Variants in OCA2 observed in about 807,000 individuals in gnomAD.
The protein encoded by OCA2 is P protein.
Under a neutral mutation model 100.2 loss-of-function variants are expected in OCA2, and 77 were observed. The observed-to-expected ratio is 0.77, with a 90% CI of 0.64 to 0.93. OCA2 has a LOEUF of 0.93. Ranked by LOEUF, OCA2 falls within the 40% of genes least tolerant of loss-of-function variation. The pLI, the probability that OCA2 is intolerant of heterozygous loss-of-function variation, is 0.00. For synonymous variants in OCA2, 432 were observed against 439.2 expected (o/e 0.98, Z 0.21); for missense variants, 1,062 against 1,089.1 (o/e 0.98, Z 0.35).
At chr15:27,997,148 GAGAA>G (rs1244018153) in intron 9 of OCA2, among the ~76,000 whole-genome samples, 184 of 135,124 alleles carry the variant, frequency 1.4e-3, no homozygotes, top group African/African-American at 4.5e-3. Flanking sequence ...GGAAGAGAGA[GAGAA>G]AGAAAGAAAG....
chr15:27,997,326 C>G (rs2041782700), intron 9 of OCA2, among the ~76,000 whole-genome samples: 1 of 152,176 alleles, frequency 6.6e-6, no homozygotes, highest in Admixed American at 6.5e-5. Context: ...CTCAACAAGT[C>G]TTTAATCCAT....
At chr15:27,969,804 G>A (rs764195772) in intron 14 of OCA2, among the ~76,000 whole-genome samples, 1 of 151,988 alleles carries the variant, frequency 6.6e-6, no homozygotes, top group East Asian at 1.9e-4. Flanking sequence ...TTCTAGGAAT[G>A]ACGCTTCAGG....
intron 23 of OCA2, among the ~76,000 whole-genome samples, chr15:27,813,271 C>G (rs982525512): frequency 1.3e-5 from 2 of 152,156 alleles, no homozygotes; most frequent in Non-Finnish European, 2.9e-5. Context: ...GGGGTCCCAG[C>G]CTAGTGGGAA....
chr15:28,011,850 G>C (rs2042248618), intron 9 of OCA2, among the ~76,000 whole-genome samples: 1 of 151,486 alleles, frequency 6.6e-6, no homozygotes, highest in African/African-American at 2.4e-5. Context: ...CCCAGGAGAT[G>C]GTGTTGCAGT....
intron 23 of OCA2, among the ~76,000 whole-genome samples, chr15:27,801,896 CAA>C (rs1318227594): frequency 6.6e-6 from 1 of 152,008 alleles, no homozygotes; most frequent in Non-Finnish European, 1.5e-5. Flanking sequence ...AGGAATAAGA[CAA>C]GAGATCCACT....
chr15:27,783,430 T>TA (rs1405311992), intron 23 of OCA2, among the ~76,000 whole-genome samples: 2 of 151,946 alleles, frequency 1.3e-5, no homozygotes, highest in South Asian at 2.1e-4. Flanking sequence ...AATTTTGTAA[T>TA]AAAAAAAAGT....
At chr15:28,093,369 C>T (rs1366622559) in intron 1 of OCA2, among the ~76,000 whole-genome samples, 2 of 151,306 alleles carry the variant, frequency 1.3e-5, no homozygotes, top group Non-Finnish European at 2.9e-5. Context: ...TTGCAGTGAG[C>T]CACTGCACTC....
intron 2 of OCA2, among the ~76,000 whole-genome samples, chr15:28,055,707 G>C (rs536741213): frequency 6.6e-6 from 1 of 152,314 alleles, no homozygotes; most frequent in East Asian, 1.9e-4. Context: ...AAGCCCACCT[G>C]AGCAGGGAAG....
At chr15:27,742,969 G>A in the OCA2 span, among the ~76,000 whole-genome samples, 9 of 152,288 alleles carry the variant, frequency 5.9e-5, no homozygotes, top group Middle Eastern at 3.4e-3. Flanking sequence ...CTGAGTATTC[G>A]ATTAAGCACT....
chr15:28,004,020 G>A (rs2042012993), intron 9 of OCA2, among the ~76,000 whole-genome samples: 1 of 152,228 alleles, frequency 6.6e-6, no homozygotes, highest in Non-Finnish European at 1.5e-5. Flanking sequence ...CCGTCCAGCC[G>A]CTGCCACCCA....
chr15:27,796,540 G>T (rs1426756987), intron 23 of OCA2, among the ~76,000 whole-genome samples: 1 of 152,068 alleles, frequency 6.6e-6, no homozygotes, highest in East Asian at 1.9e-4. Flanking sequence ...GGCAGGGCAG[G>T]TGCTCAGTGT....
At chr15:28,058,537 A>C (rs72712683) in intron 2 of OCA2, among the ~76,000 whole-genome samples, 2 of 151,198 alleles carry the variant, frequency 1.3e-5, no homozygotes. Flanking sequence ...TCCACTGCTC[A>C]TTTTCTGGAC....
chr15:28,056,205 G>A (rs542332671), intron 2 of OCA2, among the ~76,000 whole-genome samples: 1 of 152,290 alleles, frequency 6.6e-6, no homozygotes, highest in East Asian at 1.9e-4. Flanking sequence ...ACCTGCCTGT[G>A]TGCTTCCCAT....
intron 23 of OCA2, among the ~76,000 whole-genome samples, chr15:27,783,348 C>T (rs1194318660): frequency 1.3e-5 from 2 of 152,226 alleles, no homozygotes; most frequent in Non-Finnish European, 2.9e-5. Context: ...ACCAAAGTGA[C>T]TCCTATCTTG....
chr15:27,880,115 T>A (rs893953354), intron 19 of OCA2, among the ~76,000 whole-genome samples: 18 of 152,226 alleles, frequency 1.2e-4, no homozygotes, highest in African/African-American at 3.9e-4. Flanking sequence ...GGGAATCCTA[T>A]CCCCATTGCT....
At chr15:27,934,002 T>C (rs1370959551) in intron 18 of OCA2, among the ~76,000 whole-genome samples, 1 of 152,136 alleles carries the variant, frequency 6.6e-6, no homozygotes, top group African/African-American at 2.4e-5. Flanking sequence ...TATGTATATA[T>C]CACATATGGA....
chr15:27,969,084 A>G (rs1386861212), intron 14 of OCA2, among the ~76,000 whole-genome samples: 4 of 152,130 alleles, frequency 2.6e-5, no homozygotes, highest in Non-Finnish European at 5.9e-5. Context: ...TGCAATTGTT[A>G]ATATTTTTTA....
At chr15:28,026,051 A>G (rs2042737788) in intron 4 of OCA2, among the ~76,000 whole-genome samples, 1 of 152,220 alleles carries the variant, frequency 6.6e-6, no homozygotes, top group African/African-American at 2.4e-5. Flanking sequence ...GCATTAATTG[A>G]GCTATTCTAA....
intron 4 of OCA2, 72 bp from the exon 5 acceptor site, chr15:28,024,974 C>T: frequency 1.4e-6 from 2 of 1,385,548 alleles, no homozygotes. Context: ...CACTTTTCTG[C>T]AGCCTTGAGT....
Sources: allele counts gnomAD v4.1 joint callset (sites outside exome capture counted in the v4.1 genomes callset), GRCh38; gene constraint gnomAD v4.1.1; transcripts MANE v1.5; gene names NCBI Gene and HGNC (gene_info 2026-07-23, HGNC 2026-07-21).